Variants in TRMT10B observed in about 807,000 individuals in gnomAD.
TRMT10B encodes tRNA methyltransferase 10B.
A neutral mutation model predicts 43.8 loss-of-function variants in TRMT10B; 33 were observed. The observed-to-expected ratio is 0.75, with a 90% CI of 0.57 to 1.01. The LOEUF is 1.01. TRMT10B is among the 50% of genes least tolerant of loss of function. The pLI is 0.00. For missense variants in TRMT10B, 362 were observed against 369.8 expected, an observed-to-expected ratio of 0.98 and a Z score of 0.17; for synonymous variants, 137 against 130.6, an observed-to-expected ratio of 1.05 and a Z score of -0.34.
At chr9:37,758,647 T>C (rs1825970474) in intron 1 of TRMT10B, among the ~76,000 whole-genome samples, 1 of 152,130 alleles carries the variant, frequency 6.6e-6, no homozygotes, top group Non-Finnish European at 1.5e-5. Flanking sequence ...AGTAGAAGTT[T>C]TAAAATATTC....
At chr9:37,753,421 T>C (rs528418375), upstream of TRMT10B, among the ~76,000 whole-genome samples, 300 of 152,340 alleles carry the variant, frequency 2.0e-3, 1 homozygote, top group African/African-American at 6.7e-3. Context: ...CCGCTTCCTG[T>C]AATGGCCATA....
intron 1 of TRMT10B, among the ~76,000 whole-genome samples, chr9:37,759,173 A>G (rs1360695085): frequency 6.6e-6 from 1 of 152,242 alleles, no homozygotes; most frequent in Non-Finnish European, 1.5e-5. Flanking sequence ...GAAAACATGT[A>G]TCCATAAAAA....
Position 37,776,400 on chromosome 9 carries a change from A to C in TRMT10B, c.839A>C (p.Asn280Thr). Residue 280 changes from asparagine to threonine, a missense_variant, in exon 8 of 9, where the codon AAT (asparagine) becomes ACT (threonine). Asn to Thr is a moderately conservative substitution (Grantham distance 65). Transcript: ENST00000297994. ...TATCATTCAGAGATACTGGCCATCAATCAAGGTACTTCTTACACGGCCCCC... is the reference window on the plus strand; with the variant it reads ...TATCATTCAGAGATACTGGCCATCACTCAAGGTACTTCTTACACGGCCCCC... Reference protein sequence around the residue: ...KNYHSEILAINQVFDILSTYL... With the variant: ...KNYHSEILAITQVFDILSTYL... The C allele has an allele frequency of 6.2e-7, 1 of 1,608,556 alleles. No homozygotes were observed. The highest frequency in any genetic ancestry group is 8.5e-7 in the Non-Finnish European group (1 of 1,178,136).
chr9:37,761,122 A>G (rs1296334859), intron 1 of TRMT10B, among the ~76,000 whole-genome samples: 1 of 152,210 alleles, frequency 6.6e-6, no homozygotes, highest in African/African-American at 2.4e-5. Flanking sequence ...TCTTGGTTTC[A>G]TGTCACTCTA....
At chr9:37,753,407 A>G (rs1588988470), upstream of TRMT10B, among the ~76,000 whole-genome samples, 1 of 151,884 alleles carries the variant, frequency 6.6e-6, no homozygotes, top group African/African-American at 2.4e-5. Flanking sequence ...GCCCCGCTCC[A>G]CTCCCGCTTC....
At chr9:37,761,820 A>T in intron 1 of TRMT10B, 83 bp from the exon 2 acceptor site, 1 of 988,576 alleles carries the variant, frequency 1.0e-6, no homozygotes, top group Non-Finnish European at 1.5e-6. Flanking sequence ...CAGTAACACA[A>T]TAACACTTTG....
At position 37,777,924 on chromosome 9, in the gene TRMT10B, G is replaced by A; in HGVS notation, c.*217G>A. ...GGAGGCTGAGGCAGGAGAATCACTT[G>A]AACTCGGGAGGCGAAGGTTGCAGTG... On this transcript the variant is annotated 3_prime_UTR_variant, in exon 9 of 9. Transcript: ENST00000297994. 2.5e-6 allele frequency: 1 copy of A among 399,104 alleles called. No homozygotes were observed. Among genetic ancestry groups the A allele is most frequent in the Non-Finnish European group, 4.7e-6 (1 of 213,564 alleles). The allele number at this position is 399,104 out of a possible 1,614,324, so 24.7% of individuals were successfully genotyped here. A position where few individuals can be genotyped will look rare whatever the true frequency, so the allele number is the denominator to read the frequency against.
At chr9:37,767,467 T>C (rs1486217880) in intron 4 of TRMT10B, 1 of 127,812 alleles carries the variant, frequency 7.8e-6, no homozygotes, top group African/African-American at 3.1e-5. Flanking sequence ...GAGCTATGAT[T>C]GTACCACTGC....
chr9:37,771,342 T>C (rs1331447853), intron 7 of TRMT10B, among the ~76,000 whole-genome samples: 1 of 152,226 alleles, frequency 6.6e-6, no homozygotes, highest in East Asian at 1.9e-4. Flanking sequence ...TGTCTCCCAA[T>C]TCCCCTCCCC....
At chr9:37,753,429 A>T (rs151046286), upstream of TRMT10B, among the ~76,000 whole-genome samples, 1 of 152,224 alleles carries the variant, frequency 6.6e-6, no homozygotes, top group East Asian at 1.9e-4. Context: ...TGTAATGGCC[A>T]TAACTAGTTT....
In TRMT10B at chr9:37,778,052, T is replaced by C. The variant is rs1390161456; in HGVS notation, c.*345T>C. On this transcript the variant is annotated 3_prime_UTR_variant, in exon 9 of 9. Coordinates refer to ENST00000297994, the MANE Select transcript of TRMT10B (RefSeq NM_144964.4). Reference sequence around the variant, plus strand: ...AATGCAGCTGCAGGAGTGAGGCGCTTGGAGGTACCTTGACCCAAAGAGCAG... The same window carrying C: ...AATGCAGCTGCAGGAGTGAGGCGCTCGGAGGTACCTTGACCCAAAGAGCAG... 1 of 205,008 alleles carries C rather than the reference T, an allele frequency of 4.9e-6. No homozygotes were observed. The highest frequency in any genetic ancestry group is 1.0e-5 in the Non-Finnish European group (1 of 100,088). The allele number at this position is 205,008 out of a possible 1,614,324, so 12.7% of individuals were successfully genotyped here.
intron 8 of TRMT10B, 124 bp downstream of exon 8, chr9:37,776,529 C>A: frequency 8.3e-7 from 1 of 1,205,608 alleles, no homozygotes; most frequent in Non-Finnish European, 1.1e-6. Context: ...ATTGCATGTA[C>A]GTCATGACAT....
upstream of TRMT10B, among the ~76,000 whole-genome samples, chr9:37,753,161 C>T (rs775914607): frequency 6.6e-6 from 1 of 151,970 alleles, no homozygotes; most frequent in East Asian, 1.9e-4. Context: ...CTAGCGAGAC[C>T]ATGAACCCGC....
rs61444533 is a variant in TRMT10B, at chr9:37,755,268, C to CTTTTTTT, written c.-30+1431_-30+1437dup. On this transcript the variant is annotated intron_variant, in intron 1 of 8. Transcript: ENST00000297994. ...CCTGGGCGACAGAGTAAGACTCCGTCTTTTTTTTTTTTTTTTTTTTTAAAG... is the reference window on the plus strand; with the variant it reads ...CCTGGGCGACAGAGTAAGACTCCGTCTTTTTTTTTTTTTTTTTTTTTTTTTTTTAAAG... Among the ~76,000 whole-genome samples the CTTTTTTT allele has an allele frequency of 1.1e-3, 133 of 124,424 alleles. No homozygotes were observed. In the South Asian group the frequency reaches 0.011, roughly 10 times the overall value. The allele number at this position is 124,424 out of a possible 152,430, so 81.6% of individuals were successfully genotyped here. A position where few individuals can be genotyped will look rare whatever the true frequency, so the allele number is the denominator to read the frequency against.
chr9:37,776,260 A>ATAT (rs1162707673), intron 7 of TRMT10B, 22 bp from the exon 8 acceptor site: 1 of 1,448,700 alleles, frequency 6.9e-7, no homozygotes, highest in Non-Finnish European at 9.1e-7. Flanking sequence ...TATAAGAAAA[A>ATAT]TATTTAACTA....
chr9:37,773,274 AT>A (rs3076727), intron 7 of TRMT10B, among the ~76,000 whole-genome samples: 31,926 of 144,660 alleles, frequency 0.22, 3,525 homozygotes, highest in African/African-American at 0.3. Flanking sequence ...TGGCCAGCTA[AT>A]TTTTTTTTTT....
At chr9:37,765,934 T>TC (rs1179766986) in intron 4 of TRMT10B, among the ~76,000 whole-genome samples, 2 of 151,284 alleles carry the variant, frequency 1.3e-5, no homozygotes. Flanking sequence ...TGATGGGTTT[T>TC]TTTTTTTTTG....
chr9:37,765,191 C>T (rs1305571674), intron 4 of TRMT10B, among the ~76,000 whole-genome samples: 3 of 152,184 alleles, frequency 2.0e-5, no homozygotes, highest in South Asian at 2.1e-4. Context: ...GTTGGTGCTG[C>T]ACCCATTAAC....
intron 7 of TRMT10B, among the ~76,000 whole-genome samples, chr9:37,773,274 ATT>A (rs3076727): frequency 2.7e-4 from 39 of 144,854 alleles, no homozygotes; most frequent in African/African-American, 7.2e-4. Flanking sequence ...TGGCCAGCTA[ATT>A]TTTTTTTTTT....
Sources: gnomAD v4.1 joint callset for allele counts (sites outside exome capture counted in the v4.1 genomes callset) on GRCh38, gnomAD v4.1.1 for gene constraint, MANE v1.5 for transcripts, NCBI Gene and HGNC (gene_info 2026-07-23, HGNC 2026-07-21) for gene names.